Variants in PPP1R21 observed in about 807,000 individuals in gnomAD.
PPP1R21 encodes the protein KLRAQ motif containing 1.
In PPP1R21, 85 loss-of-function variants were observed where a neutral mutation model predicts 112.8. That is an observed-to-expected ratio of 0.75 (90% CI 0.63 to 0.90). PPP1R21 has a LOEUF of 0.90. Among genes scored for constraint, PPP1R21 ranks in the 40% least tolerant of loss-of-function variants. The pLI is 0.00. For synonymous variants in PPP1R21, 381 were observed against 322.3 expected (o/e 1.18, Z -1.95); for missense variants, 1,199 against 901.5 (o/e 1.33, Z -4.23).
At chr2:48,465,698 T>C in intron 9 of PPP1R21, 56 bp downstream of exon 9, 1 of 1,543,534 alleles carries the variant, frequency 6.5e-7, no homozygotes, top group Non-Finnish European at 8.8e-7. Flanking sequence ...GGAGATATTG[T>C]TTGTTTTTAG....
intron 7 of PPP1R21, among the ~76,000 whole-genome samples, chr2:48,462,514 G>C (rs1354246117): frequency 1.3e-5 from 2 of 152,162 alleles, no homozygotes; most frequent in East Asian, 1.9e-4. Context: ...TTATTGGGCA[G>C]AGATAAGGGT....
chr2:48,480,001 C>G lies in PPP1R21; in HGVS notation c.1303C>G (p.His435Asp), dbSNP rs963645177. ...TGTTGGTGCTGCTCTGCATGGATTT[C>G]ATGACGTTATGAAAGGTAGGCCTTG... ...TNVGAALHGFHDVMKDISKHY... is the reference protein window; with the variant it reads ...TNVGAALHGFDDVMKDISKHY... Residue 435 changes from histidine (H) to aspartate (D), a missense_variant, in exon 13 of 22, where the codon CAT becomes GAT. His to Asp is a moderately conservative substitution (Grantham distance 81). Transcript: ENST00000294952. 1.2e-6 allele frequency: 2 copies of G among 1,610,766 alleles called. No homozygotes were observed. The highest frequency in any genetic ancestry group is 1.3e-5 in the African/African-American group (1 of 74,972).
chr2:48,468,278 A>G (rs965305296), intron 9 of PPP1R21, among the ~76,000 whole-genome samples: 1 of 152,252 alleles, frequency 6.6e-6, no homozygotes, highest in African/African-American at 2.4e-5. Context: ...AATAAAGATT[A>G]GCTCTTAGGA....
At chr2:48,460,562 C>A (rs1032648309) in intron 6 of PPP1R21, among the ~76,000 whole-genome samples, 1 of 152,074 alleles carries the variant, frequency 6.6e-6, no homozygotes. Flanking sequence ...ATTTTAAAAT[C>A]AAAATACTAG....
At chr2:48,466,535 G>GT (rs1668212715) in intron 9 of PPP1R21, among the ~76,000 whole-genome samples, 1 of 152,044 alleles carries the variant, frequency 6.6e-6, no homozygotes, top group South Asian at 2.1e-4. Context: ...CCCTTGGGGA[G>GT]TTTTTAAAAG....
At chr2:48,473,673 AG>A (rs1668620827) in intron 11 of PPP1R21, among the ~76,000 whole-genome samples, 1 of 152,212 alleles carries the variant, frequency 6.6e-6, no homozygotes, top group Non-Finnish European at 1.5e-5. Context: ...TAAATAAAGT[AG>A]AAGAGAAGTT....
In PPP1R21 at chr2:48,474,755, C is replaced by T; in HGVS notation, c.1161C>T (p.Asp387=). 3 of 1,612,962 alleles carry T rather than the reference C, an allele frequency of 1.9e-6. No individual in the cohort carries two copies. The highest frequency in any genetic ancestry group is 2.5e-6 in the Non-Finnish European group (3 of 1,179,302). The change falls in exon 12 of 22, where the codon GAC becomes GAT. Residue 387 remains aspartate, a synonymous_variant. Coordinates refer to ENST00000294952, the MANE Select transcript of PPP1R21 (RefSeq NM_001135629.3). ...LRARNLELSQ[D]MKKMTAVFEK... The stretch of plus-strand genomic sequence containing the variant: ...CCAGGAATCTAGAGCTGTCCCAGGA[C>T]ATGAAAAAAATGACAGCTGTGTTTG...
chr2:48,465,916 A>G (rs906150062), intron 9 of PPP1R21, among the ~76,000 whole-genome samples: 3 of 152,140 alleles, frequency 2.0e-5, no homozygotes, highest in Non-Finnish European at 4.4e-5. Context: ...TTAGACTTAC[A>G]GAGGTTTATT....
chr2:48,499,592 A>G (rs1050458182), intron 17 of PPP1R21, among the ~76,000 whole-genome samples: 3 of 152,188 alleles, frequency 2.0e-5, no homozygotes, highest in Non-Finnish European at 4.4e-5. Context: ...AAGTAATAAT[A>G]AAAAAGAAAT....
intron 14 of PPP1R21, among the ~76,000 whole-genome samples, chr2:48,488,714 T>G (rs1284748918): frequency 2.6e-5 from 4 of 152,228 alleles, no homozygotes; most frequent in Non-Finnish European, 5.9e-5. Flanking sequence ...ACTCTGGAAT[T>G]TTAATAAATG....
Position 48,477,683 on chromosome 2 carries a change from CA to C in PPP1R21, c.1226-2239del, listed in dbSNP as rs1337934420. ...GCCCTCCTACTTTTTTTTTTTTTTT[CA>C]AGATTGTTTTGGTTATTTGAGGTCC... On this transcript the variant is annotated intron_variant, in intron 12 of 21. Coordinates refer to ENST00000294952, the MANE Select transcript of PPP1R21 (RefSeq NM_001135629.3). 1.6e-4 allele frequency among the ~76,000 whole-genome samples: 18 copies of C among 112,248 alleles called. No homozygotes were observed. The East Asian group carries it at 5.5e-3, about 34-fold the overall frequency. The allele number at this position is 112,248 out of a possible 152,430, so 73.6% of individuals were successfully genotyped here. A position where few individuals can be genotyped will look rare whatever the true frequency, so the allele number is the denominator to read the frequency against.
chr2:48,461,517 A>G (rs572239327), intron 7 of PPP1R21, among the ~76,000 whole-genome samples: 1 of 152,174 alleles, frequency 6.6e-6, no homozygotes, highest in Non-Finnish European at 1.5e-5. Flanking sequence ...CCTGCACATA[A>G]ATAGTTGAAT....
chr2:48,442,306 A>T (rs979456078), intron 1 of PPP1R21, among the ~76,000 whole-genome samples: 1 of 152,236 alleles, frequency 6.6e-6, no homozygotes, highest in African/African-American at 2.4e-5. Flanking sequence ...GAAGAAAAAA[A>T]TAAGAAAATG....
intron 14 of PPP1R21, among the ~76,000 whole-genome samples, chr2:48,490,518 A>C (rs1426415210): frequency 6.6e-6 from 1 of 152,216 alleles, no homozygotes; most frequent in African/African-American, 2.4e-5. Flanking sequence ...CAGTCCACTG[A>C]ATTTTCAGTC....
At chr2:48,478,962 T>A (rs1217899167) in intron 12 of PPP1R21, among the ~76,000 whole-genome samples, 1 of 152,174 alleles carries the variant, frequency 6.6e-6, no homozygotes, top group Non-Finnish European at 1.5e-5. Flanking sequence ...GTCATACTTT[T>A]CTCTAAGTGA....
chr2:48,461,034 G>A, intron 6 of PPP1R21, 104 bp from the exon 7 acceptor site: 1 of 1,468,454 alleles, frequency 6.8e-7, no homozygotes, highest in Non-Finnish European at 9.0e-7. Context: ...GATGTCAGGT[G>A]CAGTTCTCTG....
At chr2:48,497,338 T>C (rs1319431118) in intron 16 of PPP1R21, among the ~76,000 whole-genome samples, 1 of 152,154 alleles carries the variant, frequency 6.6e-6, no homozygotes, top group Non-Finnish European at 1.5e-5. Context: ...GAAAAACGAT[T>C]TGAGAGTTTT....
At position 48,474,718 on chromosome 2, in the gene PPP1R21, C is replaced by T; in HGVS notation, c.1124C>T (p.Ser375Phe). 6.2e-7 allele frequency: 1 copy of T among 1,612,272 alleles called. No homozygotes were observed. The highest frequency in any genetic ancestry group is 8.5e-7 in the Non-Finnish European group (1 of 1,179,202). Residue 375 changes from serine (S) to phenylalanine (F), a missense_variant, in exon 12 of 22, where the codon TCT becomes TTT. Coordinates refer to ENST00000294952, the MANE Select transcript of PPP1R21 (RefSeq NM_001135629.3). ...EEECESSLCT[S>F]ALRARNLELS... ...GAATGTGAATCCTCTCTTTGCACAT[C>T]TGCGTTAAGAGCCAGGAATCTAGAG...
chr2:48,487,767 A>AAT (rs1367317408), intron 14 of PPP1R21, among the ~76,000 whole-genome samples: 1 of 152,010 alleles, frequency 6.6e-6, no homozygotes, highest in African/African-American at 2.4e-5. Context: ...TCTCAAAAAA[A>AAT]AAAAAAAAAA....
Sources: allele counts gnomAD v4.1 joint callset (sites outside exome capture counted in the v4.1 genomes callset), GRCh38; gene constraint gnomAD v4.1.1; transcripts MANE v1.5; gene names NCBI Gene and HGNC (gene_info 2026-07-23, HGNC 2026-07-21).